RGS22: variants seen among roughly 807,000 people sequenced by gnomAD.
RGS22 encodes regulator of G protein signaling 22.
RGS22 carries 148 observed loss-of-function variants against 172.9 expected under a neutral mutation model. The observed-to-expected ratio is 0.86, with a 90% CI of 0.75 to 0.98. The LOEUF is 0.98. RGS22 is among the 50% of genes least tolerant of loss of function. The pLI is 0.00. For synonymous variants in RGS22, 458 were observed against 480.2 expected, an observed-to-expected ratio of 0.95 and a Z score of 0.60; for missense variants, 1,347 against 1,440.8, an observed-to-expected ratio of 0.93 and a Z score of 1.05.
chr8:100,038,943 G>T lies in RGS22; in HGVS notation c.2154C>A (p.Cys718Ter). 1 of 1,608,244 alleles carries T rather than the reference G, an allele frequency of 6.2e-7. No homozygotes were observed. Among genetic ancestry groups the T allele is most frequent in the Non-Finnish European group, 8.5e-7 (1 of 1,176,094 alleles). Residue 718 changes from cysteine (C) to a stop codon, truncating the protein, a stop_gained, in exon 14 of 28, where the codon TGC (cysteine) becomes TGA (stop). Coordinates refer to ENST00000360863, the MANE Select transcript of RGS22 (RefSeq NM_015668.5). LOFTEE classifies it high-confidence loss of function. ...ATTTACTACGTACTTGCGCTTGCTT[G>T]CATACTTTAAAAGGCTGAAGTGTTT... ...YQETLQPFKV[C>*]KQAQYLFATY...
chr8:100,029,217 A>G (rs2131521689), intron 14 of RGS22, among the ~76,000 whole-genome samples: 1 of 152,342 alleles, frequency 6.6e-6, no homozygotes, highest in Non-Finnish European at 1.5e-5. Context: ...CAGATGAGAC[A>G]CTAGCCCTGG....
chr8:100,058,171 C>CAAAAAAAAA (rs71512460), intron 9 of RGS22, among the ~76,000 whole-genome samples: 1 of 56,080 alleles, frequency 1.8e-5, no homozygotes, highest in African/African-American at 5.0e-5. Context: ...ACAGAGGAGA[C>CAAAAAAAAA]AAAAAAAAAA....
At chr8:100,006,594 A>G (rs1815746672) in intron 15 of RGS22, among the ~76,000 whole-genome samples, 1 of 152,206 alleles carries the variant, frequency 6.6e-6, no homozygotes, top group Admixed American at 6.5e-5. Context: ...CAGAGTTTGT[A>G]ATGTACTACT....
intron 23 of RGS22, among the ~76,000 whole-genome samples, chr8:99,971,549 T>A (rs372706394): frequency 2.0e-4 from 31 of 152,272 alleles, no homozygotes; most frequent in African/African-American, 7.0e-4. Context: ...AAAATCAATG[T>A]ACAAAAATTC....
Position 99,978,016 on chromosome 8 carries a change from A to C in RGS22, c.3420T>G (p.Asn1140Lys). 6.5e-7 allele frequency: 1 copy of C among 1,549,310 alleles called. No homozygotes were observed. Among genetic ancestry groups the C allele is most frequent in the Non-Finnish European group, 8.6e-7 (1 of 1,157,834 alleles). ...FWPQFCEFRK[N>K]LTDENIMSVL... is the part of the protein sequence containing the mutation. ...CACTCATAATATTTTCATCTGTTAA[A>C]TTCTTCCTAAACTCACAGAACTGAG... The change falls in exon 23 of 28, where the codon AAT (asparagine) becomes AAG (lysine). Residue 1140 changes from asparagine to lysine, a missense_variant. By Grantham distance (94) the Asn-to-Lys change is moderately conservative. Coordinates refer to ENST00000360863, the MANE Select transcript of RGS22 (RefSeq NM_015668.5).
At chr8:100,062,034 A>C (rs1465161352) in intron 9 of RGS22, among the ~76,000 whole-genome samples, 1 of 152,210 alleles carries the variant, frequency 6.6e-6, no homozygotes, top group Non-Finnish European at 1.5e-5. Context: ...ATCCTCAGCA[A>C]ACTAACACAG....
chr8:99,984,218 T>A (rs576959428), intron 21 of RGS22, among the ~76,000 whole-genome samples: 1 of 151,844 alleles, frequency 6.6e-6, no homozygotes, highest in South Asian at 2.1e-4. Flanking sequence ...CCCAGGGAGG[T>A]TGACGCTGCA....
chr8:99,989,030 AAT>A (rs1247872828), intron 20 of RGS22, among the ~76,000 whole-genome samples: 7 of 152,028 alleles, frequency 4.6e-5, no homozygotes, highest in African/African-American at 1.7e-4. Flanking sequence ...AAAATAATAA[AAT>A]ATATGTAATA....
chr8:100,088,069 T>C (rs980045806), intron 3 of RGS22, among the ~76,000 whole-genome samples: 4 of 152,090 alleles, frequency 2.6e-5, no homozygotes, highest in African/African-American at 9.7e-5. Flanking sequence ...CTTCATCCCA[T>C]GCATTCCCCC....
chr8:100,035,850 T>A (rs1819394961), intron 14 of RGS22, among the ~76,000 whole-genome samples: 1 of 151,938 alleles, frequency 6.6e-6, no homozygotes, highest in Admixed American at 6.6e-5. Flanking sequence ...CAGCAAACTA[T>A]CACAAGGACA....
At chr8:100,018,570 GA>G (rs1211873354) in intron 14 of RGS22, among the ~76,000 whole-genome samples, 1 of 152,082 alleles carries the variant, frequency 6.6e-6, no homozygotes, top group African/African-American at 2.4e-5. Context: ...ATTGTTGGGG[GA>G]AAAAGTGAAC....
chr8:99,962,702 C>T lies in RGS22; in HGVS notation c.3775G>A (p.Ala1259Thr). Residue 1259 changes from alanine (A) to threonine (T), a missense_variant, in exon 26 of 28, where the codon GCC becomes ACC. Coordinates refer to ENST00000360863, the MANE Select transcript of RGS22 (RefSeq NM_015668.5). ...STMSLKKNMS[A>T]HSSQK ...GGAAACTCACTCTGGCTGCTGTGGG[C>T]AGACATATTCTTTTTCAAAGACATA... 1 of 1,609,416 alleles carries T rather than the reference C, an allele frequency of 6.2e-7. No homozygotes were observed. The highest frequency in any genetic ancestry group is 8.5e-7 in the Non-Finnish European group (1 of 1,178,704).
At chr8:99,980,723 T>C (rs554805435) in intron 22 of RGS22, among the ~76,000 whole-genome samples, 4 of 152,214 alleles carry the variant, frequency 2.6e-5, no homozygotes, top group Non-Finnish European at 5.9e-5. Context: ...TAAAATTCTT[T>C]GGTTACAGTC....
chr8:100,105,495 T>C (rs926749946), intron 1 of RGS22, 93 bp from the exon 2 acceptor site: 1 of 1,040,134 alleles, frequency 9.6e-7, no homozygotes, highest in Non-Finnish European at 1.5e-6. Context: ...CCCTACGTTA[T>C]ACACAGGCAA....
rs1307515904 is a variant in RGS22 at position 100,014,210 on chromosome 8, C to T, written c.2167-5641G>A. The stretch of plus-strand genomic sequence containing the variant: ...CAATCCTAAGCCATTCAGGTGTGCT[C>T]GACCATGTTCCTCCAGAGCCTGTAA... On this transcript the variant is annotated intron_variant, in intron 14 of 27. Coordinates refer to ENST00000360863, the MANE Select transcript of RGS22 (RefSeq NM_015668.5). Among the ~76,000 whole-genome samples, 3 of 152,320 alleles carry T rather than the reference C, an allele frequency of 2.0e-5. No homozygotes were observed. In the East Asian group the frequency reaches 5.8e-4, roughly 29 times the overall value.
intron 20 of RGS22, among the ~76,000 whole-genome samples, chr8:99,990,837 G>A (rs1813638900): frequency 6.6e-6 from 1 of 152,142 alleles, no homozygotes; most frequent in African/African-American, 2.4e-5. Context: ...TAGCCTAACT[G>A]GGAGACACCT....
chr8:100,074,829 G>A lies in RGS22; in HGVS notation c.340-2599C>T, dbSNP rs765465763. Among the ~76,000 whole-genome samples the A allele has an allele frequency of 3.9e-5, 6 of 151,920 alleles. No homozygotes were observed. The East Asian group carries it at 5.8e-4, about 15-fold the overall frequency. ...ATCGCCCAGGCTGGAGGGCAGTGGC[G>A]TGATCTCGGCTCACTGCAAGTTCTG... On this transcript the variant is annotated intron_variant, in intron 4 of 27. Transcript: ENST00000360863.
At position 100,075,022 on chromosome 8, in the gene RGS22, G is replaced by A. The variant is rs533559280; in HGVS notation, c.340-2792C>T. Among the ~76,000 whole-genome samples the A allele has an allele frequency of 1.3e-4, 20 of 152,194 alleles. No homozygotes were observed. In the East Asian group the frequency reaches 2.1e-3, roughly 16 times the overall value. Reference sequence around the variant, plus strand: ...CCTGACCTCATGATCCAGCCGTCTCGGCCTCTCAAAGTGCTGGGATTACAG... The same window carrying A: ...CCTGACCTCATGATCCAGCCGTCTCAGCCTCTCAAAGTGCTGGGATTACAG... On this transcript the variant is annotated intron_variant, in intron 4 of 27. Coordinates refer to ENST00000360863, the MANE Select transcript of RGS22 (RefSeq NM_015668.5).
intron 23 of RGS22, among the ~76,000 whole-genome samples, chr8:99,976,518 C>T (rs868796794): frequency 3.9e-5 from 6 of 152,100 alleles, no homozygotes; most frequent in Non-Finnish European, 5.9e-5. Context: ...CCTGCCACCA[C>T]GCCCGGCTAA....
Sources: allele counts gnomAD v4.1 joint callset (sites outside exome capture counted in the v4.1 genomes callset), GRCh38; gene constraint gnomAD v4.1.1; transcripts MANE v1.5; gene names NCBI Gene and HGNC (gene_info 2026-07-23, HGNC 2026-07-21).